NPAT: variants seen among roughly 807,000 people sequenced by gnomAD.
The protein encoded by NPAT is protein NPAT.
A neutral mutation model predicts 130.7 loss-of-function variants in NPAT; 52 were observed. That is an observed-to-expected ratio of 0.40 (90% confidence interval 0.32 to 0.50). The LOEUF is 0.50. NPAT is among the 20% of genes least tolerant of loss of function. NPAT has a pLI of 0.68. For missense variants in NPAT, 1,687 were observed against 1,662.6 expected (o/e 1.01, Z -0.26); for synonymous variants, 580 against 584.8 (o/e 0.99, Z 0.12).
At chr11:108,189,835 A>C (rs1252865797) in intron 5 of NPAT, among the ~76,000 whole-genome samples, 3 of 147,342 alleles carry the variant, frequency 2.0e-5, no homozygotes, top group East Asian at 4.0e-4. Flanking sequence ...GCGCCACTGC[A>C]CTCCAGCCTG....
At position 108,173,852 on chromosome 11, in the gene NPAT, C is replaced by CTGCAAAG; in HGVS notation, c.1133-8_1133-2dup. 6.2e-7 allele frequency: 1 copy of CTGCAAAG among 1,613,708 alleles called. No individual in the cohort carries two copies. The highest frequency in any genetic ancestry group is 2.2e-5 in the East Asian group (1 of 44,866). On this transcript the variant is annotated splice_acceptor_variant, in intron 12 of 17. Coordinates refer to ENST00000278612, the MANE Select transcript of NPAT (RefSeq NM_002519.3). LOFTEE classifies it high-confidence loss of function. ...AAAGCGGGCTGACCAGACTGACCAT[C>CTGCAAAG]TGCAAAGTATCAGGCAGGTAGACAG... is the stretch of plus-strand genomic sequence containing the variant.
In NPAT at chr11:108,172,298, G is replaced by C. The variant is rs924926073; in HGVS notation, c.2686C>G (p.Pro896Ala). 2 of 1,614,084 alleles carry C rather than the reference G, an allele frequency of 1.2e-6. No individual in the cohort carries two copies. Among genetic ancestry groups the C allele is most frequent in the African/African-American group, 2.7e-5 (2 of 74,942 alleles). ...NVVVLPGNSA[P>A]MTAQPLPPQL... is the part of the protein sequence containing the mutation. ...GGTGGTAGAGGTTGAGCAGTCATAG[G>C]TGCAGAATTTCCAGGCAACACCACT... is the stretch of plus-strand genomic sequence containing the variant. The change falls in exon 13 of 18, where the codon CCT (proline) becomes GCT (alanine). Residue 896 changes from proline (P) to alanine (A), a missense_variant. Transcript: ENST00000278612.
At chr11:108,221,759 A>G (rs1186357364) in intron 1 of NPAT, among the ~76,000 whole-genome samples, 26 of 152,112 alleles carry the variant, frequency 1.7e-4, no homozygotes, top group Non-Finnish European at 1.5e-5. Context: ...TTATTCTTTC[A>G]GGGGACAAAC....
chr11:108,209,503 G>A (rs1214714602), intron 1 of NPAT, among the ~76,000 whole-genome samples: 1 of 152,152 alleles, frequency 6.6e-6, no homozygotes, highest in East Asian at 1.9e-4. Context: ...AGTGAACTAT[G>A]ATCGCGCCAC....
chr11:108,189,811 A>G (rs2078147766), intron 5 of NPAT, among the ~76,000 whole-genome samples: 1 of 148,608 alleles, frequency 6.7e-6, no homozygotes, highest in Non-Finnish European at 1.5e-5. Flanking sequence ...CGGAGCTTGC[A>G]GTGAGCCGAG....
At chr11:108,214,929 G>A (rs1460176538) in intron 1 of NPAT, among the ~76,000 whole-genome samples, 3 of 152,082 alleles carry the variant, frequency 2.0e-5, no homozygotes, top group African/African-American at 4.8e-5. Context: ...CACTGCACCC[G>A]GCCTATGATT....
intron 1 of NPAT, among the ~76,000 whole-genome samples, chr11:108,206,942 C>T (rs1231891735): frequency 4.6e-5 from 7 of 152,102 alleles, no homozygotes; most frequent in African/African-American, 1.7e-4. Context: ...AAGCTCCTTT[C>T]TGCAGTGCCT....
intron 1 of NPAT, among the ~76,000 whole-genome samples, chr11:108,217,583 G>A (rs1252277060): frequency 6.6e-6 from 1 of 152,130 alleles, no homozygotes; most frequent in Non-Finnish European, 1.5e-5. Flanking sequence ...CCTACAAAAT[G>A]TTTATTTATC....
At chr11:108,202,639 A>G (rs2078284925) in intron 1 of NPAT, among the ~76,000 whole-genome samples, 2 of 152,188 alleles carry the variant, frequency 1.3e-5, no homozygotes, top group Admixed American at 1.3e-4. Flanking sequence ...TCTGCTAAAA[A>G]TGGTCAAAAA....
intron 1 of NPAT, among the ~76,000 whole-genome samples, chr11:108,220,933 G>A (rs1412812397): frequency 6.6e-6 from 1 of 152,248 alleles, no homozygotes; most frequent in Non-Finnish European, 1.5e-5. Flanking sequence ...ATTGGTGGCA[G>A]TGAAAATGGA....
At chr11:108,180,579 G>A (rs1231469249) in intron 10 of NPAT, among the ~76,000 whole-genome samples, 1 of 150,800 alleles carries the variant, frequency 6.6e-6, no homozygotes, top group Non-Finnish European at 1.5e-5. Flanking sequence ...GTAGATAAGT[G>A]AGAATTCTTG....
intron 15 of NPAT, among the ~76,000 whole-genome samples, chr11:108,169,424 C>G (rs1407437674): frequency 2.0e-5 from 3 of 152,166 alleles, no homozygotes; most frequent in Non-Finnish European, 4.4e-5. Flanking sequence ...TCTAAAGTCT[C>G]ATACAATTAT....
intron 10 of NPAT, among the ~76,000 whole-genome samples, chr11:108,182,443 T>C (rs1377796264): frequency 5.3e-5 from 8 of 152,216 alleles, no homozygotes; most frequent in African/African-American, 1.2e-4. Flanking sequence ...CTCGAGCCTT[T>C]TGGGATTTCT....
intron 3 of NPAT, among the ~76,000 whole-genome samples, chr11:108,193,500 T>G (rs1023353121): frequency 1.3e-5 from 2 of 151,946 alleles, no homozygotes; most frequent in Non-Finnish European, 1.5e-5. Flanking sequence ...CCGAGGTGGG[T>G]GGATCACCTG....
At position 108,164,285 on chromosome 11, in the gene NPAT, G is replaced by A. The variant is rs1042571209; in HGVS notation, c.3011-2105C>T. On this transcript the variant is annotated intron_variant, in intron 15 of 17. Coordinates refer to ENST00000278612, the MANE Select transcript of NPAT (RefSeq NM_002519.3). Reference sequence around the variant, plus strand: ...TGATTGCCAAGTGGAAGGTGGGTGAGAAATACATTTTTTTTAAGTGGTAGG... The same window carrying A: ...TGATTGCCAAGTGGAAGGTGGGTGAAAAATACATTTTTTTTAAGTGGTAGG... Among the ~76,000 whole-genome samples the A allele has an allele frequency of 2.0e-5, 3 of 152,298 alleles. 1 individual carries two copies. The highest frequency in any genetic ancestry group is 4.1e-4 in the South Asian group (2 of 4,830).
At chr11:108,221,281 C>G (rs773427962) in intron 1 of NPAT, among the ~76,000 whole-genome samples, 1 of 152,106 alleles carries the variant, frequency 6.6e-6, no homozygotes, top group Non-Finnish European at 1.5e-5. Flanking sequence ...CACAGGATAG[C>G]TCCCCACAAT....
At chr11:108,213,354 TAA>T (rs1565329476) in intron 1 of NPAT, among the ~76,000 whole-genome samples, 1 of 152,172 alleles carries the variant, frequency 6.6e-6, no homozygotes, top group Non-Finnish European at 1.5e-5. Flanking sequence ...AGTGAATATA[TAA>T]AAGTCAATAA....
chr11:108,180,122 T>C (rs548924025), intron 10 of NPAT, among the ~76,000 whole-genome samples: 3 of 152,022 alleles, frequency 2.0e-5, no homozygotes, highest in East Asian at 1.9e-4. Flanking sequence ...AGCCCAGGAG[T>C]TCTAGATCAG....
At chr11:108,163,404 A>T (rs1161014911) in intron 15 of NPAT, among the ~76,000 whole-genome samples, 1 of 152,102 alleles carries the variant, frequency 6.6e-6, no homozygotes, top group Non-Finnish European at 1.5e-5. Flanking sequence ...TAAATAGGGA[A>T]GATGCATGAA....
Sources: gnomAD v4.1 joint callset for allele counts (sites outside exome capture counted in the v4.1 genomes callset) on GRCh38, gnomAD v4.1.1 for gene constraint, MANE v1.5 for transcripts, NCBI Gene and HGNC (gene_info 2026-07-23, HGNC 2026-07-21) for gene names.